The following C7orf33 variants were observed in gnomAD, a reference collection of about 807,000 sequenced individuals.
C7orf33 encodes the protein chromosome 7 open reading frame 33.
A neutral mutation model predicts 13.4 loss-of-function variants in C7orf33; 15 were observed. That is an observed-to-expected ratio of 1.12 (90% CI 0.75 to 1.72). C7orf33 has a LOEUF of 1.72. Ranked by LOEUF, C7orf33 falls within the 40% of genes most tolerant of loss-of-function variation. C7orf33 has a pLI of 0.00. For missense variants in C7orf33, 187 were observed against 220.3 expected (o/e 0.85, Z 0.96); for synonymous variants, 73 against 83.2 (o/e 0.88, Z 0.67).
chr7:148,595,567 AATAT>A (rs1323231635), intron 1 of C7orf33, among the ~76,000 whole-genome samples: 1 of 131,326 alleles, frequency 7.6e-6, no homozygotes, highest in African/African-American at 3.0e-5. Flanking sequence ...ATAGCTATAT[AATAT>A]ATATAATATA....
intron 1 of C7orf33, among the ~76,000 whole-genome samples, chr7:148,613,129 C>T (rs1796564054): frequency 6.6e-6 from 1 of 152,136 alleles, no homozygotes; most frequent in Admixed American, 6.6e-5. Context: ...ATTAACCAGC[C>T]TCTCCCTGGA....
chr7:148,598,131 A>G (rs1427536907), intron 1 of C7orf33, among the ~76,000 whole-genome samples: 1 of 152,164 alleles, frequency 6.6e-6, no homozygotes, highest in Non-Finnish European at 1.5e-5. Context: ...TTTCAGCTTT[A>G]TATCAGTGGT....
At chr7:148,607,523 G>A (rs1796488195) in intron 1 of C7orf33, among the ~76,000 whole-genome samples, 1 of 152,124 alleles carries the variant, frequency 6.6e-6, no homozygotes, top group Non-Finnish European at 1.5e-5. Flanking sequence ...AAGAGACAAG[G>A]AAGAATTTCT....
intron 1 of C7orf33, among the ~76,000 whole-genome samples, chr7:148,591,613 C>A (rs1250950431): frequency 6.6e-6 from 1 of 152,086 alleles, no homozygotes; most frequent in Non-Finnish European, 1.5e-5. Flanking sequence ...TAGTATCTTG[C>A]TCTGTCACCC....
chr7:148,598,546 TG>T (rs1301985638), intron 1 of C7orf33, among the ~76,000 whole-genome samples: 1 of 151,738 alleles, frequency 6.6e-6, no homozygotes, highest in Non-Finnish European at 1.5e-5. Context: ...CTTGACGTTA[TG>T]TTGCATAATA....
intron 1 of C7orf33, among the ~76,000 whole-genome samples, chr7:148,596,084 G>A (rs926251023): frequency 1.1e-4 from 16 of 151,770 alleles, no homozygotes; most frequent in South Asian, 4.2e-4. Context: ...TGCAGAGTTC[G>A]TGTTTTAAAA....
At chr7:148,606,384 A>C (rs1207479180) in intron 1 of C7orf33, among the ~76,000 whole-genome samples, 3 of 152,190 alleles carry the variant, frequency 2.0e-5, no homozygotes, top group African/African-American at 7.2e-5. Flanking sequence ...TCACCTCTGG[A>C]GATGCTGGGT....
intron 1 of C7orf33, 21 bp from the exon 2 acceptor site, chr7:148,614,021 T>C: frequency 6.4e-7 from 1 of 1,560,702 alleles, no homozygotes; most frequent in Non-Finnish European, 8.6e-7. Context: ...CCCAATTTGT[T>C]TGTTTGTTTG....
At chr7:148,607,293 C>T (rs564832268) in intron 1 of C7orf33, among the ~76,000 whole-genome samples, 1 of 152,122 alleles carries the variant, frequency 6.6e-6, no homozygotes, top group Admixed American at 6.5e-5. Flanking sequence ...CAGTGGTTAA[C>T]CTTTGTTCTC....
chr7:148,597,912 T>C (rs147260598), intron 1 of C7orf33, among the ~76,000 whole-genome samples: 5,033 of 152,192 alleles, frequency 0.033, 190 homozygotes, highest in African/African-American at 0.091. Flanking sequence ...CCTGCCACCA[T>C]GCCCGGCTAA....
intron 1 of C7orf33, among the ~76,000 whole-genome samples, chr7:148,597,571 T>G (rs1398001514): frequency 6.6e-6 from 1 of 152,120 alleles, no homozygotes; most frequent in African/African-American, 2.4e-5. Context: ...TGTGAGCCAC[T>G]GTACCCTGCC....
chr7:148,614,433 C>T, intron 2 of C7orf33, 137 bp downstream of exon 2: 1 of 1,030,916 alleles, frequency 9.7e-7, no homozygotes, highest in African/African-American at 1.6e-5. Context: ...GAATGTCCAG[C>T]ATGAAACTGA....
intron 1 of C7orf33, among the ~76,000 whole-genome samples, chr7:148,605,290 C>A (rs188548063): frequency 6.6e-6 from 1 of 152,274 alleles, no homozygotes; most frequent in Non-Finnish European, 1.5e-5. Flanking sequence ...AGACAGTGAG[C>A]AATAGTGACC....
At chr7:148,601,803 A>C (rs1262621564) in intron 1 of C7orf33, among the ~76,000 whole-genome samples, 1 of 152,026 alleles carries the variant, frequency 6.6e-6, no homozygotes, top group Non-Finnish European at 1.5e-5. Context: ...GCTAGAATAC[A>C]GTGTTGGAAT....
In C7orf33 at chr7:148,615,282, G is replaced by A. The variant is rs1471090779; in HGVS notation, c.460-45G>A. On this transcript the variant is annotated intron_variant, in intron 2 of 2. Transcript: ENST00000307003. Reference sequence around the variant, plus strand: ...GTGCTATTGATGTTCTAGGGAAAAGGTAAATCATCCTGAGATAACAGAAGT... The same window carrying A: ...GTGCTATTGATGTTCTAGGGAAAAGATAAATCATCCTGAGATAACAGAAGT... The A allele has an allele frequency of 3.1e-6, 4 of 1,297,760 alleles. No homozygotes were observed. The South Asian group carries it at 3.5e-5, about 11-fold the overall frequency. The allele number at this position is 1,297,760 out of a possible 1,614,324, so 80.4% of individuals were successfully genotyped here.
intron 1 of C7orf33, among the ~76,000 whole-genome samples, chr7:148,600,540 A>G (rs1164700196): frequency 5.3e-5 from 8 of 152,302 alleles, no homozygotes; most frequent in African/African-American, 1.7e-4. Context: ...GCCAGGATAT[A>G]AGGGCAATAC....
chr7:148,604,880 ATATAAT>A (rs1166946043), intron 1 of C7orf33, among the ~76,000 whole-genome samples: 1 of 152,228 alleles, frequency 6.6e-6, no homozygotes. Context: ...CATGAATTAA[ATATAAT>A]TAAACTAGCA....
chr7:148,590,841 G>A lies in C7orf33; in HGVS notation c.-85G>A. 1 of 1,248,524 alleles carries A rather than the reference G, an allele frequency of 8.0e-7. No individual in the cohort carries two copies. The highest frequency in any genetic ancestry group is 1.2e-5 in the South Asian group (1 of 80,490). The allele number at this position is 1,248,524 out of a possible 1,614,324, so 77.3% of individuals were successfully genotyped here. A position where few individuals can be genotyped will look rare whatever the true frequency, so the allele number is the denominator to read the frequency against. On this transcript the variant is annotated 5_prime_UTR_variant, in exon 1 of 3. Coordinates refer to ENST00000307003, the MANE Select transcript of C7orf33 (RefSeq NM_145304.4). ...TCTGAATCCTCCTACTGACCCTGGG[G>A]ATCCGTGCGACTTGATCTTAGATAT...
At chr7:148,598,129 T>C (rs2116890872) in intron 1 of C7orf33, among the ~76,000 whole-genome samples, 1 of 152,322 alleles carries the variant, frequency 6.6e-6, no homozygotes, top group Non-Finnish European at 1.5e-5. Context: ...GTTTTCAGCT[T>C]TATATCAGTG....
Sources: gnomAD v4.1 joint callset for allele counts (sites outside exome capture counted in the v4.1 genomes callset) on GRCh38, gnomAD v4.1.1 for gene constraint, MANE v1.5 for transcripts, NCBI Gene and HGNC (gene_info 2026-07-23, HGNC 2026-07-21) for gene names.